The following SEPSECS variants were observed in gnomAD, a reference collection of about 807,000 sequenced individuals.
The protein encoded by SEPSECS is O-phosphoseryl-tRNA(Sec) selenium transferase.
SEPSECS carries 42 observed loss-of-function variants against 52.1 expected under a neutral mutation model. That is an observed-to-expected ratio of 0.81 (90% CI 0.63 to 1.04). The LOEUF is 1.04. Among genes scored for constraint, SEPSECS ranks in the 50% least tolerant of loss-of-function variants. The pLI, the probability that SEPSECS is intolerant of heterozygous loss-of-function variation, is 0.00. For synonymous variants in SEPSECS, 216 were observed against 211.4 expected (o/e 1.02, Z -0.19); for missense variants, 590 against 610.6 (o/e 0.97, Z 0.36).
chr4:25,155,025 G>A lies in SEPSECS; in HGVS notation c.674C>T (p.Ser225Phe), dbSNP rs1305476901. 5 of 1,613,994 alleles carry A rather than the reference G, an allele frequency of 3.1e-6. No homozygotes were observed. The highest frequency in any genetic ancestry group is 4.2e-6 in the Non-Finnish European group (5 of 1,179,988). Residue 225 changes from serine to phenylalanine, a missense_variant, in exon 5 of 11, where the codon TCC (serine) becomes TTC (phenylalanine). Physicochemically the swap from Ser to Phe is radical, Grantham distance 155. Coordinates refer to ENST00000382103, the MANE Select transcript of SEPSECS (RefSeq NM_016955.4). ...DCILCIHSTT[S>F]CFAPRVPDRL... ...ATCAGGCACCCTTGGAGCAAAACAG[G>A]ATGTAGTAGAATGAATACACAGAAT...
intron 5 of SEPSECS, among the ~76,000 whole-genome samples, chr4:25,153,244 A>T (rs952066675): frequency 6.6e-6 from 1 of 152,058 alleles, no homozygotes; most frequent in Non-Finnish European, 1.5e-5. Context: ...TCTGGGATAC[A>T]CAGAAGTATT....
At chr4:25,160,154 A>G in intron 1 of SEPSECS, 102 bp downstream of exon 1, 2 of 1,525,984 alleles carry the variant, frequency 1.3e-6, no homozygotes, top group African/African-American at 2.8e-5. Context: ...GACTAGTCTC[A>G]AGCAGCGAAG....
rs187824699 is a variant in SEPSECS at position 25,137,308 on chromosome 4, C to T, written c.1026+7466G>A. 5.7e-3 allele frequency among the ~76,000 whole-genome samples: 875 copies of T among 152,198 alleles called. 9 individuals are homozygous for T. The highest frequency in any genetic ancestry group is 0.02 in the African/African-American group (824 of 41,534). On this transcript the variant is annotated intron_variant, in intron 8 of 10. Coordinates refer to ENST00000382103, the MANE Select transcript of SEPSECS (RefSeq NM_016955.4). ...GCAGAATGGGAAAAAATTTTTGCAA[C>T]TTACCCTTCTGACAAAGGTCTAATA...
intron 8 of SEPSECS, among the ~76,000 whole-genome samples, chr4:25,136,722 T>G (rs1036039614): frequency 8.5e-5 from 13 of 152,170 alleles, no homozygotes; most frequent in African/African-American, 2.9e-4. Context: ...TATTTAAAAA[T>G]TCACATGGAA....
intron 6 of SEPSECS, 83 bp from the exon 7 acceptor site, chr4:25,145,216 A>C (rs1393488826): frequency 1.4e-6 from 2 of 1,408,462 alleles, no homozygotes; most frequent in Non-Finnish European, 2.0e-6. Context: ...ACAAAAAATT[A>C]TAACTATTTG....
At chr4:25,127,478 C>G in intron 8 of SEPSECS, 121 bp from the exon 9 acceptor site, 4 of 710,852 alleles carry the variant, frequency 5.6e-6, no homozygotes, top group South Asian at 4.7e-5. Flanking sequence ...TGCCTTAAGA[C>G]CAATTCTCTC....
In SEPSECS at chr4:25,123,603, T is replaced by C; in HGVS notation, c.*328A>G. On this transcript the variant is annotated 3_prime_UTR_variant, in exon 11 of 11. Coordinates refer to ENST00000382103, the MANE Select transcript of SEPSECS (RefSeq NM_016955.4). ...GTAAAGAATGGTTAGGAGGAAGCAC[T>C]CTACATTTCAAAGAGAATTGAAGTA... is the stretch of plus-strand genomic sequence containing the variant. 1 of 319,946 alleles carries C rather than the reference T, an allele frequency of 3.1e-6. No individual in the cohort carries two copies. The highest frequency in any genetic ancestry group is 6.0e-6 in the Non-Finnish European group (1 of 167,902). The allele number at this position is 319,946 out of a possible 1,614,324, so 19.8% of individuals were successfully genotyped here.
At chr4:25,158,499 A>G (rs1712827103) in intron 2 of SEPSECS, among the ~76,000 whole-genome samples, 1 of 152,226 alleles carries the variant, frequency 6.6e-6, no homozygotes, top group Non-Finnish European at 1.5e-5. Flanking sequence ...TATCTATTGC[A>G]ACAGAGGTAT....
chr4:25,156,152 A>G lies in SEPSECS; in HGVS notation c.432T>C (p.Thr144=), dbSNP rs1302172741. Residue 144 remains threonine, a synonymous_variant, in exon 4 of 11, where the codon ACT becomes ACC. Transcript: ENST00000382103. ...AGAAACACAGAGTTAGACTCATACC[A>G]GTTGCCATAGGAACTACAAAGCAGT... ...VANCFVVPMA[T]GMSLTLCFLT... 1.9e-6 allele frequency: 3 copies of G among 1,614,084 alleles called. No individual in the cohort carries two copies. The highest frequency in any genetic ancestry group is 2.5e-6 in the Non-Finnish European group (3 of 1,179,954).
intron 8 of SEPSECS, among the ~76,000 whole-genome samples, chr4:25,139,435 G>A (rs1386269568): frequency 8.1e-6 from 1 of 123,226 alleles, no homozygotes; most frequent in Non-Finnish European, 1.6e-5. Context: ...TCACCAGGCT[G>A]GAGTGCAGTG....
At chr4:25,140,349 G>A in intron 8 of SEPSECS, among the ~76,000 whole-genome samples, 1 of 152,166 alleles carries the variant, frequency 6.6e-6, no homozygotes, top group East Asian at 1.9e-4. Flanking sequence ...TTTATTCACT[G>A]TTTTTGTCTC....
Position 25,156,031 on chromosome 4 carries a change from T to C in SEPSECS, c.547+6A>G, listed in dbSNP as rs1440527556. ...TTTAAAACATTATGTATGACACTTC[T>C]CTTACCTGCAGTGATCATGGATTTA... is the stretch of plus-strand genomic sequence containing the variant. On this transcript the variant is annotated splice_donor_region_variant and intron_variant, in intron 4 of 10. Transcript: ENST00000382103. 1 of 1,611,446 alleles carries C rather than the reference T, an allele frequency of 6.2e-7. No homozygotes were observed. Among genetic ancestry groups the C allele is most frequent in the Non-Finnish European group, 8.5e-7 (1 of 1,177,714 alleles).
chr4:25,158,814 G>T, intron 2 of SEPSECS, 139 bp downstream of exon 2: 1 of 801,000 alleles, frequency 1.2e-6, no homozygotes, highest in Non-Finnish European at 2.0e-6. Flanking sequence ...GTTGCATTTG[G>T]CTTACATATC....
At chr4:25,156,731 AAAAAG>A in intron 3 of SEPSECS, 120 bp downstream of exon 3, 22 of 596,452 alleles carry the variant, frequency 3.7e-5, no homozygotes, top group Admixed American at 1.0e-4. Flanking sequence ...AAAAAAAAAA[AAAAAG>A]AAGTCTTTTC....
In SEPSECS at chr4:25,125,696, G is replaced by A. The variant is rs1728332507; in HGVS notation, c.1209C>T (p.Ala403=). The change falls in exon 10 of 11, where the codon GCC becomes GCT. Residue 403 remains alanine (A), a splice_region_variant and synonymous_variant. Coordinates refer to ENST00000382103, the MANE Select transcript of SEPSECS (RefSeq NM_016955.4). ...ATATCTATCTTAAACATACTTACCT[G>A]GCTCCAGAAACCTGTCTGGTAAAAA... ...SMLFTRQVSG[A]RVVPLGSMQT... 1 of 1,605,618 alleles carries A rather than the reference G, an allele frequency of 6.2e-7. No individual in the cohort carries two copies.
intron 6 of SEPSECS, 36 bp from the exon 7 acceptor site, chr4:25,145,169 G>T: frequency 1.2e-6 from 2 of 1,609,064 alleles, no homozygotes; most frequent in Non-Finnish European, 8.5e-7. Context: ...TAGTTGCTAG[G>T]AAAACAGACA....
chr4:25,157,766 G>C (rs1057320320), intron 2 of SEPSECS, among the ~76,000 whole-genome samples: 18 of 143,138 alleles, frequency 1.3e-4, no homozygotes, highest in South Asian at 1.1e-3. Flanking sequence ...AGGATGGTGT[G>C]GATCTCCTGA....
chr4:25,150,454 C>A (rs779593698), intron 6 of SEPSECS, among the ~76,000 whole-genome samples: 16 of 152,202 alleles, frequency 1.1e-4, no homozygotes, highest in Admixed American at 3.3e-4. Context: ...TCTACCCCAA[C>A]AGAACCTTAA....
chr4:25,150,751 A>G (rs1712248879), intron 6 of SEPSECS, among the ~76,000 whole-genome samples: 1 of 152,206 alleles, frequency 6.6e-6, no homozygotes, highest in Admixed American at 6.5e-5. Context: ...CACATCTGCA[A>G]TCCCAGCACT....
Sources: gnomAD v4.1 joint callset for allele counts (sites outside exome capture counted in the v4.1 genomes callset) on GRCh38, gnomAD v4.1.1 for gene constraint, MANE v1.5 for transcripts, NCBI Gene and HGNC (gene_info 2026-07-23, HGNC 2026-07-21) for gene names.